Variants in BSN observed in about 807,000 individuals in gnomAD.
BSN encodes the protein bassoon presynaptic cytomatrix protein, also known as protein bassoon.
A neutral mutation model predicts 264.8 loss-of-function variants in BSN; 57 were observed. That is an observed-to-expected ratio of 0.22 (90% CI 0.17 to 0.27). The LOEUF (loss-of-function observed/expected upper bound fraction) is 0.27. BSN is among the 10% of genes least tolerant of loss of function. The pLI, the probability that BSN is intolerant of heterozygous loss-of-function variation, is 1.00. For missense variants in BSN, 4,615 were observed against 5,232.5 expected, an observed-to-expected ratio of 0.88 and a Z score of 3.64; for synonymous variants, 2,059 against 2,137.3, an observed-to-expected ratio of 0.96 and a Z score of 1.01.
chr3:49,584,061 AT>A (rs1238069959), intron 1 of BSN, among the ~76,000 whole-genome samples: 1 of 151,436 alleles, frequency 6.6e-6, no homozygotes, highest in Non-Finnish European at 1.5e-5. Flanking sequence ...TATTTTTTTT[AT>A]TTTTAGTAGA....
chr3:49,583,966 C>T (rs1044013147), intron 1 of BSN, among the ~76,000 whole-genome samples: 12 of 152,246 alleles, frequency 7.9e-5, no homozygotes, highest in Middle Eastern at 6.8e-3. Flanking sequence ...CTCTGCCTCC[C>T]GAGTTCACTC....
chr3:49,662,269 G>A lies in BSN; in HGVS notation c.10424G>A (p.Arg3475Gln), dbSNP rs1032229767. The stretch of plus-strand genomic sequence containing the variant: ...GAAAGGGAACGGGAGGCTGTGGAGC[G>A]ACTTCAAAAAGCGGGCCCCAAGCCC... ...GYEREREAVE[R>Q]LQKAGPKPSS... The change falls in exon 6 of 12, where the codon CGA (arginine) becomes CAA (glutamine). Residue 3475 changes from arginine to glutamine, a missense_variant. Around this residue, in one of 3 missense-constraint regions of BSN, gnomAD observed 3,415 missense variants for 3,866.4 expected, o/e 0.88. Coordinates refer to ENST00000296452, the MANE Select transcript of BSN (RefSeq NM_003458.4). 1.7e-5 allele frequency: 28 copies of A among 1,613,768 alleles called. No individual in the cohort carries two copies. Among genetic ancestry groups the A allele is most frequent in the East Asian group, 2.2e-5 (1 of 44,870 alleles).
chr3:49,653,288 C>T lies in BSN; in HGVS notation c.3732C>T (p.Ala1244=), dbSNP rs754865679. The change falls in exon 5 of 12, where the codon GCC becomes GCT. Residue 1244 remains alanine (A), a synonymous_variant. Coordinates refer to ENST00000296452, the MANE Select transcript of BSN (RefSeq NM_003458.4). This position sits in a 1 kb window ranked among gnomAD's most constrained non-coding sequence, Gnocchi z 6.3. ...DREYGQAAQP[A]AEGTPASLGA... ...AGTATGGCCAGGCTGCTCAGCCTGCCGCAGAGGGCACGCCAGCCAGCCTGG... is the reference window on the plus strand; with the variant it reads ...AGTATGGCCAGGCTGCTCAGCCTGCTGCAGAGGGCACGCCAGCCAGCCTGG... 20 of 1,612,356 alleles carry T rather than the reference C, an allele frequency of 1.2e-5. No individual in the cohort carries two copies. The East Asian group carries it at 2.7e-4, about 22-fold the overall frequency.
intron 1 of BSN, 23 bp from the exon 2 acceptor site, chr3:49,624,952 A>G (rs2052331190): frequency 6.7e-7 from 1 of 1,497,436 alleles, no homozygotes; most frequent in South Asian, 1.4e-5. Flanking sequence ...TATCTCTAAC[A>G]GTCATTTTCA....
Position 49,661,941 on chromosome 3 carries a change from G to C in BSN, c.10096G>C (p.Glu3366Gln). Residue 3366 changes from glutamate (E) to glutamine (Q), a missense_variant, in exon 6 of 12, where the codon GAG becomes CAG. Physicochemically the swap from Glu to Gln is conservative, Grantham distance 29. Transcript: ENST00000296452. Reference sequence around the variant, plus strand: ...CAGCAAGCACCGGAAGCAGGGCATGGAGCAAAAGATATCCAAGTTCTCGCC... The same window carrying C: ...CAGCAAGCACCGGAAGCAGGGCATGCAGCAAAAGATATCCAAGTTCTCGCC... ...KRSKHRKQGMEQKISKFSPIE... is the reference protein window; with the variant it reads ...KRSKHRKQGMQQKISKFSPIE... 6.2e-7 allele frequency: 1 copy of C among 1,613,978 alleles called. No individual in the cohort carries two copies. The highest frequency in any genetic ancestry group is 1.1e-5 in the South Asian group (1 of 91,084).
chr3:49,590,065 T>G (rs1219332414), intron 1 of BSN, among the ~76,000 whole-genome samples: 1 of 151,870 alleles, frequency 6.6e-6, no homozygotes, highest in African/African-American at 2.4e-5. Context: ...CTTGATCTCT[T>G]AACCTCGTGA....
Position 49,657,021 on chromosome 3 carries a change from C to T in BSN, c.7465C>T (p.Pro2489Ser). ...AACEAPGRGP[P>S]LAAAELAQNG... The stretch of plus-strand genomic sequence containing the variant: ...CTGTGAGGCACCTGGCCGAGGGCCT[C>T]CCCTAGCGGCTGCTGAGTTGGCCCA... Residue 2489 changes from proline (P) to serine (S), a missense_variant, in exon 5 of 12, where the codon CCC becomes TCC. Coordinates refer to ENST00000296452, the MANE Select transcript of BSN (RefSeq NM_003458.4). 6.2e-7 allele frequency: 1 copy of T among 1,610,300 alleles called. No homozygotes were observed. Among genetic ancestry groups the T allele is most frequent in the Non-Finnish European group, 8.5e-7 (1 of 1,177,736 alleles).
At chr3:49,555,202 A>T (rs558747940) in intron 1 of BSN, among the ~76,000 whole-genome samples, 1 of 152,198 alleles carries the variant, frequency 6.6e-6, no homozygotes, top group Non-Finnish European at 1.5e-5. Context: ...TGGTGTCTGC[A>T]TGTGTCCATT....
chr3:49,610,958 G>C (rs1022750085), intron 1 of BSN, among the ~76,000 whole-genome samples: 2 of 152,162 alleles, frequency 1.3e-5, no homozygotes, highest in Non-Finnish European at 2.9e-5. Flanking sequence ...CCTAGAGCAG[G>C]GCTGAGTGTG....
chr3:49,643,477 C>A (rs917831039), intron 3 of BSN, among the ~76,000 whole-genome samples: 1 of 152,238 alleles, frequency 6.6e-6, no homozygotes, highest in African/African-American at 2.4e-5. Context: ...CACCAACCTC[C>A]CCTGCTCAGA....
intron 1 of BSN, among the ~76,000 whole-genome samples, chr3:49,592,156 C>A (rs2051983191): frequency 6.6e-6 from 1 of 151,768 alleles, no homozygotes; most frequent in South Asian, 2.1e-4. Flanking sequence ...CTGTCCCATG[C>A]TGGAGTGCAG....
intron 1 of BSN, among the ~76,000 whole-genome samples, chr3:49,558,597 G>A (rs2051691342): frequency 6.6e-6 from 1 of 152,174 alleles, no homozygotes; most frequent in African/African-American, 2.4e-5. Context: ...GAAAAATCTG[G>A]CACTAACTTG....
chr3:49,642,975 A>G lies in BSN; in HGVS notation c.1341A>G (p.Ala447=), dbSNP rs1429595767. The change falls in exon 3 of 12, where the codon GCA becomes GCG. Residue 447 remains alanine (A), a synonymous_variant. Coordinates refer to ENST00000296452, the MANE Select transcript of BSN (RefSeq NM_003458.4). This position sits in a 1 kb window ranked among gnomAD's most constrained non-coding sequence, Gnocchi z 7.0. ...SPKHGRAEHQ[A]ASKAAAKPKT... ...AGCATGGCAGAGCAGAACATCAGGCAGCATCGAAGGCTGCTGCCAAGCCAA... is the reference window on the plus strand; with the variant it reads ...AGCATGGCAGAGCAGAACATCAGGCGGCATCGAAGGCTGCTGCCAAGCCAA... 1 of 1,613,958 alleles carries G rather than the reference A, an allele frequency of 6.2e-7. No homozygotes were observed. Among genetic ancestry groups the G allele is most frequent in the African/African-American group, 1.3e-5 (1 of 74,952 alleles).
chr3:49,623,993 G>T (rs1304992538), intron 1 of BSN, among the ~76,000 whole-genome samples: 1 of 152,094 alleles, frequency 6.6e-6, no homozygotes, highest in Non-Finnish European at 1.5e-5. Context: ...AATCACCCTA[G>T]GTATTTCTTT....
chr3:49,577,793 G>A (rs372374890), intron 1 of BSN, among the ~76,000 whole-genome samples: 2 of 152,144 alleles, frequency 1.3e-5, no homozygotes, highest in East Asian at 1.9e-4. Flanking sequence ...ACCCGCCTCG[G>A]CCTCCCAAAG....
rs1219058371 is a variant in BSN, at chr3:49,631,884, AAAG to A, written c.633+6507_633+6509del. 3.9e-5 allele frequency among the ~76,000 whole-genome samples: 6 copies of A among 152,324 alleles called. No homozygotes were observed. In the East Asian group the frequency reaches 7.7e-4, roughly 20 times the overall value. ...TTCAAATAGCCAAAATAATTGTGAA[AAAG>A]AAGAACAAAGCTGAAGAACTCACAC... is the stretch of plus-strand genomic sequence containing the variant. On this transcript the variant is annotated intron_variant, in intron 2 of 11. Coordinates refer to ENST00000296452, the MANE Select transcript of BSN (RefSeq NM_003458.4).
chr3:49,632,406 A>C (rs943991147), intron 2 of BSN, among the ~76,000 whole-genome samples: 2 of 152,242 alleles, frequency 1.3e-5, no homozygotes, highest in African/African-American at 4.8e-5. Context: ...AGAATGGGAG[A>C]AAATACTTGC....
rs567958573 is a variant in BSN at position 49,593,805 on chromosome 3, G to GTT, written c.225-31156_225-31155dup. Reference sequence around the variant, plus strand: ...TTTTTTTTGTTTTGTTTTGTTTTTTGTTTTTTTTTTTTTTTGAGATGGAGT... The same window carrying GTT: ...TTTTTTTTGTTTTGTTTTGTTTTTTGTTTTTTTTTTTTTTTTTGAGATGGAGT... On this transcript the variant is annotated intron_variant, in intron 1 of 11. Transcript: ENST00000296452. Among the ~76,000 whole-genome samples, 162 of 110,066 alleles carry GTT rather than the reference G, an allele frequency of 1.5e-3. 1 individual carries two copies. The highest frequency in any genetic ancestry group is 3.0e-3 in the African/African-American group (90 of 30,212). 72.2% of individuals were successfully genotyped at this position (110,066 alleles called of 152,430 possible).
intron 1 of BSN, among the ~76,000 whole-genome samples, chr3:49,586,361 T>TATCA (rs1553659574): frequency 4.0e-5 from 6 of 151,746 alleles, no homozygotes; most frequent in African/African-American, 9.7e-5. Context: ...TCTATCTATC[T>TATCA]ATCATTATCT....
Sources: allele counts gnomAD v4.1 joint callset (sites outside exome capture counted in the v4.1 genomes callset), GRCh38; gene constraint gnomAD v4.1.1; regional missense constraint gnomAD v4.1.1; non-coding constraint Gnocchi (gnomAD v3.1); transcripts MANE v1.5; gene names NCBI Gene and HGNC (gene_info 2026-07-23, HGNC 2026-07-21).